Variants in RALGPS2 observed in about 807,000 individuals in gnomAD.
RALGPS2 encodes Ral GEF with PH domain and SH3 binding motif 2, also known as ras-specific guanine nucleotide-releasing factor RalGPS2.
RALGPS2 carries 43 observed loss-of-function variants against 86.8 expected under a neutral mutation model. The ratio of observed to expected loss-of-function variants is 0.50; its 90% CI spans 0.39 to 0.64. The LOEUF is 0.64. Ranked by LOEUF, RALGPS2 falls within the 30% of genes least tolerant of loss-of-function variation. RALGPS2 has a pLI of 0.00. For missense variants in RALGPS2, 536 were observed against 694.6 expected (o/e 0.77, Z 2.57); for synonymous variants, 243 against 231.3 (o/e 1.05, Z -0.46).
chr1:178,836,251 G>C (rs117597306), intron 8 of RALGPS2, among the ~76,000 whole-genome samples: 1 of 152,190 alleles, frequency 6.6e-6, no homozygotes, highest in African/African-American at 2.4e-5. Flanking sequence ...CTGAAACAAA[G>C]AGTAATCATA....
chr1:178,893,917 A>T lies in RALGPS2; in HGVS notation c.1326-2A>T. 1 of 1,578,796 alleles carries T rather than the reference A, an allele frequency of 6.3e-7. No individual in the cohort carries two copies. The highest frequency in any genetic ancestry group is 2.2e-5 in the East Asian group (1 of 44,492). On this transcript the variant is annotated splice_acceptor_variant, in intron 15 of 19. Transcript: ENST00000367635. LOFTEE classifies it high-confidence loss of function. ...TATGTGTTCTTTTCTTCGTTATTAT[A>T]GTTCTGCAGAATCAGAAGATTTGGC... is the stretch of plus-strand genomic sequence containing the variant.
intron 1 of RALGPS2, among the ~76,000 whole-genome samples, chr1:178,736,941 C>G (rs1650746006): frequency 6.6e-6 from 1 of 152,168 alleles, no homozygotes; most frequent in Non-Finnish European, 1.5e-5. Flanking sequence ...TAATCCCTAA[C>G]TTAAGAAATT....
chr1:178,738,161 C>T (rs1444256185), intron 1 of RALGPS2, among the ~76,000 whole-genome samples: 2 of 141,780 alleles, frequency 1.4e-5, no homozygotes, highest in Admixed American at 1.5e-4. Context: ...TTGGTTAGGT[C>T]TAGTCAAAAA....
chr1:178,799,038 G>A (rs1654337117), intron 4 of RALGPS2, among the ~76,000 whole-genome samples: 1 of 152,066 alleles, frequency 6.6e-6, no homozygotes, highest in South Asian at 2.1e-4. Context: ...TGAACAAGTT[G>A]CTGTTGTTGT....
In RALGPS2 at chr1:178,776,821, G is replaced by A. The variant is rs760360636; in HGVS notation, c.57G>A (p.Glu19=). 1 of 1,611,594 alleles carries A rather than the reference G, an allele frequency of 6.2e-7. No homozygotes were observed. Among genetic ancestry groups the A allele is most frequent in the South Asian group, 1.1e-5 (1 of 90,742 alleles). ...TCAATATTGCAGCTACTGCTTCTGAGGTAAGATATTTAAGAAGCTTGGGTG... is the reference window on the plus strand; with the variant it reads ...TCAATATTGCAGCTACTGCTTCTGAAGTAAGATATTTAAGAAGCTTGGGTG... ...SSVNIAATAS[E]KSSSSESLSD... The change falls in exon 2 of 20, where the codon GAG becomes GAA. Residue 19 remains glutamate, a splice_region_variant and synonymous_variant. Transcript: ENST00000367635.
intron 1 of RALGPS2, among the ~76,000 whole-genome samples, chr1:178,772,149 C>T (rs1163224571): frequency 3.3e-5 from 5 of 152,234 alleles, no homozygotes; most frequent in Admixed American, 3.3e-4. Flanking sequence ...CAGTAGCACA[C>T]TTTTGTCAAA....
At chr1:178,746,922 T>G (rs1204806205) in intron 1 of RALGPS2, 11 of 1,092,608 alleles carry the variant, frequency 1.0e-5, no homozygotes. Flanking sequence ...TTTTCAGTCA[T>G]TATTTTGTTT....
intron 8 of RALGPS2, among the ~76,000 whole-genome samples, chr1:178,835,440 T>A (rs1382365480): frequency 1.3e-5 from 2 of 149,598 alleles, no homozygotes; most frequent in African/African-American, 4.9e-5. Context: ...TTGTCCAGGC[T>A]AGAGTGCAGT....
chr1:178,867,449 C>T (rs762556437), intron 8 of RALGPS2, among the ~76,000 whole-genome samples: 2 of 152,038 alleles, frequency 1.3e-5, no homozygotes, highest in African/African-American at 2.4e-5. Flanking sequence ...ATTTATAACA[C>T]TGAAGTAATG....
At chr1:178,840,471 A>G (rs1240748732) in intron 8 of RALGPS2, among the ~76,000 whole-genome samples, 2 of 152,218 alleles carry the variant, frequency 1.3e-5, no homozygotes, top group Non-Finnish European at 2.9e-5. Context: ...AAGACACAAC[A>G]TACCAGAATC....
intron 8 of RALGPS2, chr1:178,853,683 C>T (rs1301082968): frequency 2.5e-6 from 4 of 1,613,164 alleles, no homozygotes; most frequent in South Asian, 1.1e-5. Context: ...AAACTGTTTT[C>T]ACACCATAAC....
intron 4 of RALGPS2, among the ~76,000 whole-genome samples, chr1:178,797,787 T>A (rs1222127138): frequency 6.6e-6 from 1 of 152,090 alleles, no homozygotes; most frequent in African/African-American, 2.4e-5. Flanking sequence ...AACTATTGCA[T>A]CACCACAAAG....
chr1:178,808,181 C>A, intron 5 of RALGPS2, 53 bp downstream of exon 5: 2 of 1,191,150 alleles, frequency 1.7e-6, no homozygotes, highest in Non-Finnish European at 2.5e-6. Flanking sequence ...TCAATATATA[C>A]TTTTTCCTTA....
chr1:178,872,380 G>A (rs1658807297), intron 8 of RALGPS2, among the ~76,000 whole-genome samples: 1 of 152,202 alleles, frequency 6.6e-6, no homozygotes, highest in South Asian at 2.1e-4. Flanking sequence ...ATATAAATCA[G>A]TGAAGTAAAT....
intron 7 of RALGPS2, among the ~76,000 whole-genome samples, chr1:178,829,661 T>A (rs1655922263): frequency 6.6e-6 from 1 of 152,214 alleles, no homozygotes; most frequent in Non-Finnish European, 1.5e-5. Flanking sequence ...ATGAGGACTA[T>A]AGTTGACTAT....
intron 1 of RALGPS2, among the ~76,000 whole-genome samples, chr1:178,757,167 T>G (rs1417656038): frequency 6.6e-6 from 1 of 152,240 alleles, no homozygotes; most frequent in Admixed American, 6.5e-5. Flanking sequence ...ATCTTGAAAC[T>G]TTACTGAGTC....
chr1:178,802,199 T>C (rs901654196), intron 4 of RALGPS2, among the ~76,000 whole-genome samples: 4 of 151,306 alleles, frequency 2.6e-5, no homozygotes, highest in Admixed American at 2.6e-4. Flanking sequence ...ATATATTATA[T>C]AATATATTCT....
chr1:178,823,698 A>G (rs1655616286), intron 7 of RALGPS2, among the ~76,000 whole-genome samples: 1 of 152,214 alleles, frequency 6.6e-6, no homozygotes. Flanking sequence ...GATGATTTCA[A>G]AGAGGTGGCA....
intron 1 of RALGPS2, chr1:178,746,996 T>TA: frequency 1.1e-6 from 1 of 929,954 alleles, no homozygotes; most frequent in African/African-American, 1.6e-5. Context: ...TTCTGTATAC[T>TA]AGAATCTCCC....
Sources: gnomAD v4.1 joint callset for allele counts (sites outside exome capture counted in the v4.1 genomes callset) on GRCh38, gnomAD v4.1.1 for gene constraint, MANE v1.5 for transcripts, NCBI Gene and HGNC (gene_info 2026-07-23, HGNC 2026-07-21) for gene names.